Variants in PTK2 observed in about 807,000 individuals in gnomAD.
PTK2 encodes focal adhesion kinase 1.
PTK2 carries 45 observed loss-of-function variants against 150.1 expected under a neutral mutation model. That is an observed-to-expected ratio of 0.30 (90% CI 0.24 to 0.38). PTK2 has a LOEUF of 0.38. PTK2 is among the 10% of genes least tolerant of loss of function. The probability of loss-of-function intolerance (pLI) is 1.00; values close to 1 mark genes in which losing one functional copy is unlikely to be tolerated. For missense variants in PTK2, 919 were observed against 1,307.3 expected (o/e 0.70, Z 4.58); for synonymous variants, 432 against 449.2 (o/e 0.96, Z 0.48).
At chr8:140,814,907 TG>T (rs2100103748) in intron 10 of PTK2, among the ~76,000 whole-genome samples, 1 of 152,028 alleles carries the variant, frequency 6.6e-6, no homozygotes, top group African/African-American at 2.4e-5. Flanking sequence ...CCTGAGTAGC[TG>T]GGACTACAGG....
In PTK2 at chr8:140,752,249, TTCTC is replaced by T; in HGVS notation, c.1396_1399del (p.Glu466AsnfsTer7). 6.2e-7 allele frequency: 1 copy of T among 1,613,926 alleles called. No individual in the cohort carries two copies. Among genetic ancestry groups the T allele is most frequent in the Non-Finnish European group, 8.5e-7 (1 of 1,179,870 alleles). Reference sequence around the variant, plus strand: ...ACACTTACAGGCTTCTTGAAGAAATTTCTCTCTCACGCTGTCCGAAGTACAGTTT... The same window carrying T: ...ACACTTACAGGCTTCTTGAAGAAATTTCTCACGCTGTCCGAAGTACAGTTT... On this transcript the variant is annotated frameshift_variant, in exon 17 of 32. Transcript: ENST00000522684. LOFTEE classifies it high-confidence loss of function.
chr8:140,845,980 T>TA (rs2100125177), intron 7 of PTK2, among the ~76,000 whole-genome samples: 1 of 151,716 alleles, frequency 6.6e-6, no homozygotes, highest in South Asian at 2.1e-4. Flanking sequence ...TAGGCAGCTG[T>TA]AGAATTCAAT....
chr8:140,725,417 G>A (rs562614708), intron 22 of PTK2, among the ~76,000 whole-genome samples: 4 of 152,216 alleles, frequency 2.6e-5, no homozygotes, highest in Non-Finnish European at 4.4e-5. Flanking sequence ...TGACAGCATG[G>A]GAGAGCAACC....
At chr8:140,672,291 G>A in intron 29 of PTK2, 1 of 336,874 alleles carries the variant, frequency 3.0e-6, no homozygotes, top group Non-Finnish European at 5.8e-6. Context: ...AGCCTCCCGA[G>A]TAGCTGGGAC....
chr8:140,740,506 G>A (rs997175238), intron 20 of PTK2, among the ~76,000 whole-genome samples: 8 of 152,238 alleles, frequency 5.3e-5, no homozygotes. Flanking sequence ...TTCCTAGAAA[G>A]AGGAGCATTT....
intron 1 of PTK2, among the ~76,000 whole-genome samples, chr8:140,989,982 T>C (rs1358349971): frequency 6.6e-6 from 1 of 150,990 alleles, no homozygotes. Flanking sequence ...CGGTACACTA[T>C]ATAAACCATC....
At chr8:140,751,767 C>T (rs1464180650) in intron 17 of PTK2, 1 of 366,512 alleles carries the variant, frequency 2.7e-6, no homozygotes, top group African/African-American at 2.1e-5. Flanking sequence ...GCTAGGATTA[C>T]AAGCGTGAGC....
chr8:140,889,157 T>C (rs1239885042), intron 3 of PTK2, among the ~76,000 whole-genome samples: 1 of 152,216 alleles, frequency 6.6e-6, no homozygotes, highest in Non-Finnish European at 1.5e-5. Flanking sequence ...TTTGAATAGT[T>C]TGCTAATATT....
At chr8:140,804,221 GCTT>G (rs988214183) in intron 10 of PTK2, among the ~76,000 whole-genome samples, 10 of 118,960 alleles carry the variant, frequency 8.4e-5, no homozygotes, top group South Asian at 2.8e-4. Flanking sequence ...ATAAACTTTG[GCTT>G]CTTCTTTTTT....
chr8:140,685,370 C>T (rs1172791209), intron 27 of PTK2, among the ~76,000 whole-genome samples: 1 of 152,164 alleles, frequency 6.6e-6, no homozygotes, highest in South Asian at 2.1e-4. Context: ...AAAGCAACTG[C>T]AACAAACACA....
At chr8:140,983,523 C>A (rs1588643046) in intron 1 of PTK2, among the ~76,000 whole-genome samples, 1 of 152,138 alleles carries the variant, frequency 6.6e-6, no homozygotes, top group African/African-American at 2.4e-5. Context: ...AATACAAACA[C>A]CTACTTCTTT....
chr8:140,660,494 C>T, intron 31 of PTK2: 1 of 413,508 alleles, frequency 2.4e-6, no homozygotes, highest in Non-Finnish European at 4.9e-6. Context: ...GCGGCGGAGG[C>T]AGGCTGACGG....
chr8:140,804,388 G>A (rs1178222353), intron 10 of PTK2, among the ~76,000 whole-genome samples: 2 of 151,430 alleles, frequency 1.3e-5, no homozygotes, highest in Admixed American at 1.3e-4. Flanking sequence ...AGGAGTTCAA[G>A]CAGCCTGGGC....
intron 8 of PTK2, chr8:140,822,009 ACT>A (rs1017486542): frequency 6.6e-6 from 1 of 152,186 alleles, no homozygotes; most frequent in African/African-American, 2.4e-5. Context: ...TGTAGGACAG[ACT>A]CTACAACAGA....
At chr8:140,863,614 G>C (rs1490143409) in intron 5 of PTK2, among the ~76,000 whole-genome samples, 2 of 152,146 alleles carry the variant, frequency 1.3e-5, no homozygotes, top group Non-Finnish European at 2.9e-5. Flanking sequence ...ATGCTTTTCA[G>C]TGGAGCCATC....
At chr8:140,813,375 G>GT (rs1387292397) in intron 10 of PTK2, among the ~76,000 whole-genome samples, 1 of 150,432 alleles carries the variant, frequency 6.6e-6, no homozygotes, top group African/African-American at 2.4e-5. Flanking sequence ...TGGGACACAG[G>GT]TAAGGCAGTG....
chr8:140,902,191 G>A lies in PTK2; in HGVS notation c.-32-11422C>T, dbSNP rs531394641. Among the ~76,000 whole-genome samples, 14 of 152,134 alleles carry A rather than the reference G, an allele frequency of 9.2e-5. No homozygotes were observed. In the East Asian group the frequency reaches 2.7e-3, roughly 29 times the overall value. ...TGGGATTACAGGCGCACGCCACCAC[G>A]CCCAGCTAATTTTTGTATTTTTAGT... is the stretch of plus-strand genomic sequence containing the variant. On this transcript the variant is annotated intron_variant, in intron 2 of 31. Transcript: ENST00000522684.
intron 26 of PTK2, among the ~76,000 whole-genome samples, chr8:140,698,364 A>C (rs2100028119): frequency 6.6e-6 from 1 of 152,242 alleles, no homozygotes; most frequent in Admixed American, 6.5e-5. Flanking sequence ...AATAGGTTTA[A>C]AATGTAGGAC....
At chr8:140,666,225 C>G (rs1276365661) in intron 30 of PTK2, among the ~76,000 whole-genome samples, 3 of 152,140 alleles carry the variant, frequency 2.0e-5, no homozygotes, top group African/African-American at 7.2e-5. Flanking sequence ...GTAGTCCCAG[C>G]TACTCGGGAA....
Sources: allele counts gnomAD v4.1 joint callset (sites outside exome capture counted in the v4.1 genomes callset), GRCh38; gene constraint gnomAD v4.1.1; transcripts MANE v1.5; gene names NCBI Gene and HGNC (gene_info 2026-07-23, HGNC 2026-07-21).